The following KAT14 variants were observed in gnomAD, a reference collection of about 807,000 sequenced individuals.
KAT14 encodes lysine acetyltransferase 14.
Under a neutral mutation model 78.4 loss-of-function variants are expected in KAT14, and 66 were observed. The ratio of observed to expected loss-of-function variants is 0.84; its 90% confidence interval spans 0.69 to 1.03. The LOEUF (loss-of-function observed/expected upper bound fraction) is 1.03. Among genes scored for constraint, KAT14 ranks in the 50% least tolerant of loss-of-function variants. The pLI, the probability that KAT14 is intolerant of heterozygous loss-of-function variation, is 0.00. For synonymous variants in KAT14, 344 were observed against 359.4 expected (o/e 0.96, Z 0.48); for missense variants, 870 against 972.5 (o/e 0.89, Z 1.40).
intron 4 of KAT14, among the ~76,000 whole-genome samples, chr20:18,156,028 T>A (rs1393869364): frequency 2.6e-5 from 4 of 152,204 alleles, no homozygotes; most frequent in Non-Finnish European, 5.9e-5. Context: ...AAATGTGGCA[T>A]ATACATACAG....
intron 7 of KAT14, among the ~76,000 whole-genome samples, chr20:18,179,597 C>T (rs890621701): frequency 6.6e-5 from 10 of 152,156 alleles, no homozygotes; most frequent in Admixed American, 2.6e-4. Flanking sequence ...GCGGCTGGGG[C>T]ACAGGGCGGC....
intron 3 of KAT14, among the ~76,000 whole-genome samples, chr20:18,148,603 AT>A (rs978610988): frequency 2.8e-5 from 4 of 142,922 alleles, no homozygotes; most frequent in South Asian, 2.2e-4. Context: ...ACTGGGGTTC[AT>A]TTTTTTTTGT....
At chr20:18,138,283 G>T in intron 1 of KAT14, 1 of 1,212,580 alleles carries the variant, frequency 8.2e-7, no homozygotes, top group South Asian at 3.5e-5. Flanking sequence ...CGACCCGGCT[G>T]CCCGGCTTAG....
chr20:18,147,149 G>A (rs2037858987), intron 3 of KAT14, among the ~76,000 whole-genome samples: 1 of 152,208 alleles, frequency 6.6e-6, no homozygotes, highest in Non-Finnish European at 1.5e-5. Flanking sequence ...TGCCTTAGCA[G>A]CCTTCGTCTA....
intron 7 of KAT14, among the ~76,000 whole-genome samples, chr20:18,176,626 C>T (rs576727528): frequency 3.3e-5 from 5 of 151,460 alleles, no homozygotes; most frequent in South Asian, 2.1e-4. Context: ...AAGGCCCAGG[C>T]GCAGGCCCTG....
intron 8 of KAT14, among the ~76,000 whole-genome samples, chr20:18,182,485 A>T (rs2039295631): frequency 6.6e-6 from 1 of 152,240 alleles, no homozygotes; most frequent in South Asian, 2.1e-4. Flanking sequence ...AAAAAATGTG[A>T]AAGACATCTC....
At chr20:18,145,186 CG>C (rs1160758744) in intron 2 of KAT14, 46 bp from the exon 3 acceptor site, 3 of 1,597,212 alleles carry the variant, frequency 1.9e-6, no homozygotes, top group Non-Finnish European at 1.7e-6. Context: ...TTTAGGTTAC[CG>C]CTGCTCTAGA....
intron 2 of KAT14, among the ~76,000 whole-genome samples, chr20:18,144,618 ATG>A (rs1246254976): frequency 5.3e-5 from 8 of 152,170 alleles, no homozygotes; most frequent in South Asian, 2.1e-4. Flanking sequence ...TCCATTCCTT[ATG>A]TGTCACAGAG....
chr20:18,172,498 C>A (rs2038882639), intron 7 of KAT14, among the ~76,000 whole-genome samples: 1 of 151,620 alleles, frequency 6.6e-6, no homozygotes, highest in Non-Finnish European at 1.5e-5. Context: ...ACTTCCTGGG[C>A]TCATGCAGTC....
At chr20:18,171,581 G>A (rs2038845413) in intron 7 of KAT14, among the ~76,000 whole-genome samples, 2 of 152,222 alleles carry the variant, frequency 1.3e-5, no homozygotes, top group African/African-American at 2.4e-5. Flanking sequence ...GGAGGCCGAG[G>A]CGGGCGGATC....
At chr20:18,146,171 T>C (rs1317957279) in intron 3 of KAT14, among the ~76,000 whole-genome samples, 1 of 152,246 alleles carries the variant, frequency 6.6e-6, no homozygotes, top group African/African-American at 2.4e-5. Context: ...TTAAATTGTT[T>C]TAGTTTTGTT....
intron 7 of KAT14, among the ~76,000 whole-genome samples, chr20:18,176,269 C>T (rs1184741000): frequency 6.9e-6 from 1 of 144,630 alleles, no homozygotes; most frequent in Non-Finnish European, 1.5e-5. Context: ...CCTCTGCATT[C>T]CAGCTTGGGC....
chr20:18,138,285 C>T, intron 1 of KAT14: 2 of 1,212,314 alleles, frequency 1.6e-6, no homozygotes, highest in South Asian at 3.6e-5. Flanking sequence ...ACCCGGCTGC[C>T]CGGCTTAGCG....
Position 18,160,522 on chromosome 20 carries a change from G to A in KAT14, c.682+1257G>A, listed in dbSNP as rs929737662. Among the ~76,000 whole-genome samples, 3 of 152,080 alleles carry A rather than the reference G, an allele frequency of 2.0e-5. No individual in the cohort carries two copies. The South Asian group carries it at 6.2e-4, about 32-fold the overall frequency. On this transcript the variant is annotated intron_variant, in intron 5 of 10. Coordinates refer to ENST00000688188, the MANE Select transcript of KAT14 (RefSeq NM_001392073.1). ...CATTACATCCATTATATAATTATGT[G>A]ATAATTTGTTAAACCATTCTCCTGT...
chr20:18,161,492 T>C (rs2038419382), intron 5 of KAT14, among the ~76,000 whole-genome samples: 1 of 152,170 alleles, frequency 6.6e-6, no homozygotes, highest in Non-Finnish European at 1.5e-5. Flanking sequence ...TTCTCTTTAT[T>C]GAACATGATA....
intron 7 of KAT14, among the ~76,000 whole-genome samples, chr20:18,179,593 G>A (rs1486246381): frequency 1.3e-5 from 2 of 152,158 alleles, no homozygotes; most frequent in Non-Finnish European, 2.9e-5. Context: ...TGGAGCGGCT[G>A]GGGCACAGGG....
intron 1 of KAT14, among the ~76,000 whole-genome samples, chr20:18,138,822 G>A (rs8122276): frequency 0.034 from 5,172 of 152,144 alleles, 150 homozygotes; most frequent in African/African-American, 0.077. Context: ...GGTGATTACT[G>A]TGTGGAAGCT....
intron 7 of KAT14, among the ~76,000 whole-genome samples, chr20:18,180,840 TC>T (rs1316135195): frequency 6.6e-6 from 1 of 152,118 alleles, no homozygotes; most frequent in Non-Finnish European, 1.5e-5. Flanking sequence ...TCAAATTATC[TC>T]CCACCAGGTC....
intron 4 of KAT14, among the ~76,000 whole-genome samples, chr20:18,152,954 T>G (rs1294034946): frequency 2.6e-5 from 4 of 152,228 alleles, no homozygotes; most frequent in Admixed American, 2.6e-4. Flanking sequence ...CGTGGATCTA[T>G]CAAGACTTTT....
Sources: allele counts gnomAD v4.1 joint callset (sites outside exome capture counted in the v4.1 genomes callset), GRCh38; gene constraint gnomAD v4.1.1; transcripts MANE v1.5; gene names NCBI Gene and HGNC (gene_info 2026-07-23, HGNC 2026-07-21).